The following CDC14A variants were observed in gnomAD, a reference collection of about 807,000 sequenced individuals.
CDC14A encodes cell division cycle 14A, also known as dual specificity protein phosphatase CDC14A.
CDC14A carries 53 observed loss-of-function variants against 74.4 expected under a neutral mutation model. The observed-to-expected ratio is 0.71, with a 90% CI of 0.57 to 0.89. The LOEUF is 0.89. Among genes scored for constraint, CDC14A ranks in the 40% least tolerant of loss-of-function variants. The probability of loss-of-function intolerance (pLI) is 0.00; values close to 1 mark genes in which losing one functional copy is unlikely to be tolerated. For synonymous variants in CDC14A, 247 were observed against 258.4 expected, an observed-to-expected ratio of 0.96 and a Z score of 0.43; for missense variants, 646 against 713.7, an observed-to-expected ratio of 0.91 and a Z score of 1.08.
chr1:100,436,164 A>G (rs2101113677), intron 5 of CDC14A, among the ~76,000 whole-genome samples: 1 of 152,284 alleles, frequency 6.6e-6, no homozygotes, highest in Non-Finnish European at 1.5e-5. Context: ...GGATCTTCCA[A>G]TTCCAAGTTT....
chr1:100,348,725 T>TGAGTAAG (rs1650654835), upstream of CDC14A, among the ~76,000 whole-genome samples: 1 of 152,200 alleles, frequency 6.6e-6, no homozygotes, highest in Admixed American at 6.5e-5. Flanking sequence ...AGAGCTGTCA[T>TGAGTAAG]GAGTAAGGGT....
At chr1:100,370,822 G>GT (rs986145901) in intron 2 of CDC14A, among the ~76,000 whole-genome samples, 3 of 151,928 alleles carry the variant, frequency 2.0e-5, no homozygotes, top group Admixed American at 6.6e-5. Context: ...TTTTAGAATA[G>GT]TTTTTTTTCT....
intron 4 of CDC14A, among the ~76,000 whole-genome samples, chr1:100,419,315 TG>T (rs1661957500): frequency 6.6e-6 from 1 of 152,220 alleles, no homozygotes; most frequent in Non-Finnish European, 1.5e-5. Context: ...ATTCTGGGTC[TG>T]GCTGACTGGG....
intron 15 of CDC14A, among the ~76,000 whole-genome samples, chr1:100,499,783 G>C (rs190181146): frequency 1.6e-3 from 245 of 152,256 alleles, no homozygotes; most frequent in African/African-American, 5.6e-3. Flanking sequence ...TTAGGCCCTT[G>C]AATATTTCAC....
At chr1:100,412,722 A>ATTTTTT (rs1334139293) in intron 4 of CDC14A, among the ~76,000 whole-genome samples, 1 of 73,938 alleles carries the variant, frequency 1.4e-5, no homozygotes, top group Admixed American at 1.3e-4. Context: ...ATATATATAT[A>ATTTTTT]TTTTATATAT....
rs1669824989 is a variant in CDC14A at position 100,484,399 on chromosome 1, T to C, written c.1085T>C (p.Met362Thr). Residue 362 changes from methionine to threonine, a missense_variant, in exon 11 of 16, where the codon ATG becomes ACG. Coordinates refer to ENST00000336454, the MANE Select transcript of CDC14A (RefSeq NM_003672.4). Reference protein sequence around the residue: ...INKILSGLDDMSIGGNLSKTQ... With the variant: ...INKILSGLDDTSIGGNLSKTQ... Reference sequence around the variant, plus strand: ...AAAATTCTTTCTGGCCTAGATGATATGTCTATTGGTGGAAATCTTTCAAAA... The same window carrying C: ...AAAATTCTTTCTGGCCTAGATGATACGTCTATTGGTGGAAATCTTTCAAAA... 2.5e-6 allele frequency: 4 copies of C among 1,608,388 alleles called. No homozygotes were observed. The highest frequency in any genetic ancestry group is 1.3e-5 in the African/African-American group (1 of 74,594).
intron 7 of CDC14A, among the ~76,000 whole-genome samples, chr1:100,451,636 G>A (rs1571224340): frequency 1.3e-5 from 2 of 152,338 alleles, no homozygotes; most frequent in East Asian, 3.9e-4. Flanking sequence ...ATTTTAAAAT[G>A]CCACTGTGGT....
intron 15 of CDC14A, among the ~76,000 whole-genome samples, chr1:100,506,514 T>G (rs1019096890): frequency 5.9e-5 from 9 of 152,236 alleles, no homozygotes; most frequent in Non-Finnish European, 1.2e-4. Flanking sequence ...AATATGCACA[T>G]AAACTGTTTA....
chr1:100,459,086 AACACACAC>A (rs751247467), intron 8 of CDC14A, among the ~76,000 whole-genome samples: 1 of 129,236 alleles, frequency 7.7e-6, no homozygotes, highest in Admixed American at 7.5e-5. Context: ...CTTCTATTTA[AACACACAC>A]ACACACGCAC....
intron 10 of CDC14A, among the ~76,000 whole-genome samples, chr1:100,472,341 G>T (rs1019013668): frequency 1.3e-5 from 2 of 152,094 alleles, no homozygotes; most frequent in Non-Finnish European, 2.9e-5. Context: ...AAGTAGATAT[G>T]CCTGTTTATG....
At chr1:100,357,341 G>A (rs185908083) in intron 2 of CDC14A, among the ~76,000 whole-genome samples, 97 of 152,176 alleles carry the variant, frequency 6.4e-4, no homozygotes, top group African/African-American at 2.3e-3. Context: ...GCAACAAAGA[G>A]GTGGACAAAC....
intron 2 of CDC14A, among the ~76,000 whole-genome samples, chr1:100,356,632 G>T (rs776821030): frequency 9.2e-5 from 14 of 152,000 alleles, no homozygotes; most frequent in Non-Finnish European, 1.2e-4. Context: ...GAGGCAGGTG[G>T]ATCACGAGGC....
chr1:100,482,987 C>A (rs1407209615), intron 10 of CDC14A, among the ~76,000 whole-genome samples: 1 of 152,148 alleles, frequency 6.6e-6, no homozygotes, highest in Non-Finnish European at 1.5e-5. Context: ...TCTATCCAAT[C>A]TATCATTGAT....
intron 9 of CDC14A, among the ~76,000 whole-genome samples, chr1:100,464,907 A>G (rs1557788728): frequency 1.3e-5 from 2 of 149,442 alleles, no homozygotes; most frequent in Non-Finnish European, 3.0e-5. Flanking sequence ...TATATTGCAA[A>G]TTTCTTTTCT....
At chr1:100,412,770 A>T (rs674357) in intron 4 of CDC14A, among the ~76,000 whole-genome samples, 44,522 of 94,918 alleles carry the variant, frequency 0.47, 11,924 homozygotes, top group African/African-American at 0.63. Flanking sequence ...TATATATATT[A>T]TATATATATA....
intron 5 of CDC14A, among the ~76,000 whole-genome samples, chr1:100,431,779 G>T (rs1663719079): frequency 6.6e-6 from 1 of 151,784 alleles, no homozygotes; most frequent in South Asian, 2.1e-4. Context: ...GAGCCCAGCA[G>T]TTTGAGGCTG....
In CDC14A at chr1:100,445,437, C is replaced by T. The variant is rs377325743; in HGVS notation, c.519+2441C>T. On this transcript the variant is annotated intron_variant, in intron 7 of 15. Transcript: ENST00000336454. ...CCCACCAAAACCTGGATCTCTGCCC[C>T]ATGTATATGAACATGAAGAATGCAA... 4.4e-4 allele frequency among the ~76,000 whole-genome samples: 67 copies of T among 152,148 alleles called. No homozygotes were observed. In the South Asian group the frequency reaches 0.013, roughly 31 times the overall value.
chr1:100,456,715 G>A (rs1246563270), intron 8 of CDC14A, among the ~76,000 whole-genome samples: 1 of 151,738 alleles, frequency 6.6e-6, no homozygotes, highest in East Asian at 1.9e-4. Context: ...TGTTATTCAT[G>A]CATTTAGGTT....
chr1:100,516,617 G>C (rs959554681), intron 15 of CDC14A, among the ~76,000 whole-genome samples: 2 of 152,016 alleles, frequency 1.3e-5, no homozygotes, highest in Non-Finnish European at 2.9e-5. Context: ...GACTTAACTG[G>C]CTCTGCCCTC....
Sources: gnomAD v4.1 joint callset for allele counts (sites outside exome capture counted in the v4.1 genomes callset) on GRCh38, gnomAD v4.1.1 for gene constraint, MANE v1.5 for transcripts, NCBI Gene and HGNC (gene_info 2026-07-23, HGNC 2026-07-21) for gene names.